The following PRR16 variants were observed in gnomAD, a reference collection of about 807,000 sequenced individuals.
The protein encoded by PRR16 is proline rich 16.
In PRR16, 6 loss-of-function variants were observed where a neutral mutation model predicts 18.2. The ratio of observed to expected loss-of-function variants is 0.33; its 90% CI spans 0.18 to 0.65. PRR16 has a LOEUF of 0.65. Ranked by LOEUF, PRR16 falls within the 30% of genes least tolerant of loss-of-function variation. PRR16 has a pLI of 0.74. For synonymous variants in PRR16, 151 were observed against 147.8 expected (o/e 1.02, Z -0.16); for missense variants, 412 against 376.6 (o/e 1.09, Z -0.78).
intron 1 of PRR16, among the ~76,000 whole-genome samples, chr5:120,662,290 G>A (rs1334084468): frequency 6.6e-6 from 1 of 152,062 alleles, no homozygotes; most frequent in African/African-American, 2.4e-5. Flanking sequence ...GGAAATGTTA[G>A]GAACAGGTCT....
At chr5:120,580,451 A>ATTT (rs70985228) in intron 1 of PRR16, among the ~76,000 whole-genome samples, 2 of 119,652 alleles carry the variant, frequency 1.7e-5, no homozygotes, top group African/African-American at 6.3e-5. Flanking sequence ...GGGATTTTGA[A>ATTT]TTTTTTTTTT....
rs1403733155 is a variant in PRR16, at chr5:120,472,145, T to C, written c.159+7500T>C. Among the ~76,000 whole-genome samples the C allele has an allele frequency of 2.0e-5, 3 of 152,274 alleles. No individual in the cohort carries two copies. In the East Asian group the frequency reaches 5.8e-4, roughly 29 times the overall value. On this transcript the variant is annotated intron_variant, in intron 1 of 1. Coordinates refer to ENST00000407149, the MANE Select transcript of PRR16 (RefSeq NM_001300783.2). The stretch of plus-strand genomic sequence containing the variant: ...TGAAGTTAGGCAAATTACATACTTA[T>C]GCTCAATGACACAGTTATCATGATG...
chr5:120,671,821 T>C (rs1756616125), intron 1 of PRR16, among the ~76,000 whole-genome samples: 1 of 152,148 alleles, frequency 6.6e-6, no homozygotes, highest in Non-Finnish European at 1.5e-5. Flanking sequence ...TACATATATA[T>C]GTATGAAAAA....
At chr5:120,753,713 T>C in the PRR16 span, among the ~76,000 whole-genome samples, 1 of 149,874 alleles carries the variant, frequency 6.7e-6, no homozygotes. Flanking sequence ...TGTTCAATTC[T>C]TACAACTGCC....
chr5:120,785,575 G>GTTTTTTTTTTTTTTTTTTTTT, the PRR16 span, among the ~76,000 whole-genome samples: 1 of 115,418 alleles, frequency 8.7e-6, no homozygotes, highest in African/African-American at 3.4e-5. Flanking sequence ...TGTTGTTGTT[G>GTTTTTTTTTTTTTTTTTTTTT]TTTTTTTTTT....
At chr5:120,591,265 C>CGA (rs1753626516) in intron 1 of PRR16, among the ~76,000 whole-genome samples, 1 of 151,634 alleles carries the variant, frequency 6.6e-6, no homozygotes, top group Non-Finnish European at 1.5e-5. Context: ...GGTGAGAGTG[C>CGA]GAGACACCAT....
At chr5:120,765,540 A>T in the PRR16 span, among the ~76,000 whole-genome samples, 1 of 152,032 alleles carries the variant, frequency 6.6e-6, no homozygotes, top group Non-Finnish European at 1.5e-5. Flanking sequence ...TTGGCTGTAA[A>T]AAGTATTCTT....
chr5:120,579,771 G>A (rs924434326), intron 1 of PRR16, among the ~76,000 whole-genome samples: 30 of 152,110 alleles, frequency 2.0e-4, no homozygotes, highest in Non-Finnish European at 3.5e-4. Flanking sequence ...TTCTAATTCT[G>A]TGAAGAATGT....
At chr5:120,514,146 A>G (rs1750915378) in intron 1 of PRR16, among the ~76,000 whole-genome samples, 1 of 152,174 alleles carries the variant, frequency 6.6e-6, no homozygotes, top group African/African-American at 2.4e-5. Flanking sequence ...ATGAATAATG[A>G]TGAATATATG....
At chr5:120,483,916 A>T (rs141904910) in intron 1 of PRR16, among the ~76,000 whole-genome samples, 115 of 152,158 alleles carry the variant, frequency 7.6e-4, no homozygotes, top group African/African-American at 2.6e-3. Flanking sequence ...TATTTCATTC[A>T]GTTCCAACTT....
intron 1 of PRR16, among the ~76,000 whole-genome samples, chr5:120,613,760 A>G (rs1478386948): frequency 6.6e-6 from 1 of 151,990 alleles, no homozygotes; most frequent in Non-Finnish European, 1.5e-5. Context: ...ATGAGACTGA[A>G]CCTTGCATTT....
At chr5:120,584,157 C>T (rs1182076606) in intron 1 of PRR16, among the ~76,000 whole-genome samples, 1 of 152,108 alleles carries the variant, frequency 6.6e-6, no homozygotes, top group African/African-American at 2.4e-5. Context: ...TTATATATTA[C>T]AGGACTATGT....
At chr5:120,662,858 G>A (rs1233940058) in intron 1 of PRR16, among the ~76,000 whole-genome samples, 16 of 152,100 alleles carry the variant, frequency 1.1e-4, no homozygotes, top group Non-Finnish European at 4.4e-5. Flanking sequence ...GGCAGGAATA[G>A]GGGTGGAGGA....
chr5:120,609,575 T>C (rs1754269213), intron 1 of PRR16, among the ~76,000 whole-genome samples: 2 of 152,200 alleles, frequency 1.3e-5, no homozygotes, highest in South Asian at 4.1e-4. Flanking sequence ...TCAGTAATAT[T>C]AAAGTAAAAT....
At chr5:120,488,773 C>G (rs529139195) in intron 1 of PRR16, among the ~76,000 whole-genome samples, 1 of 152,048 alleles carries the variant, frequency 6.6e-6, no homozygotes, top group Non-Finnish European at 1.5e-5. Flanking sequence ...CCTGCTTTCT[C>G]TTGTGTGCAT....
intron 1 of PRR16, among the ~76,000 whole-genome samples, chr5:120,665,212 G>C (rs1580852082): frequency 6.9e-6 from 1 of 143,964 alleles, no homozygotes; most frequent in African/African-American, 2.5e-5. Flanking sequence ...GGCCAGTGAT[G>C]ATGAGCATTT....
chr5:120,488,043 G>C (rs931569758), intron 1 of PRR16, among the ~76,000 whole-genome samples: 2 of 152,114 alleles, frequency 1.3e-5, no homozygotes, highest in Non-Finnish European at 2.9e-5. Flanking sequence ...TACTGTATTT[G>C]GTTTGCCAGT....
At chr5:120,590,846 G>C (rs1186970196) in intron 1 of PRR16, among the ~76,000 whole-genome samples, 2 of 152,120 alleles carry the variant, frequency 1.3e-5, no homozygotes, top group Admixed American at 1.3e-4. Flanking sequence ...TAAAATGAAT[G>C]TGTATATCAA....
At chr5:120,535,242 T>A (rs745597037) in intron 1 of PRR16, among the ~76,000 whole-genome samples, 1 of 152,180 alleles carries the variant, frequency 6.6e-6, no homozygotes, top group Non-Finnish European at 1.5e-5. Context: ...AAGATATTTT[T>A]AAAAAACTTT....
Sources: allele counts gnomAD v4.1 joint callset (sites outside exome capture counted in the v4.1 genomes callset), GRCh38; gene constraint gnomAD v4.1.1; transcripts MANE v1.5; gene names NCBI Gene and HGNC (gene_info 2026-07-23, HGNC 2026-07-21).